Variants in CD226 observed in about 807,000 individuals in gnomAD.
CD226 encodes the protein CD226 molecule.
Under a neutral mutation model 34.9 loss-of-function variants are expected in CD226, and 24 were observed. The observed-to-expected ratio is 0.69, with a 90% CI of 0.50 to 0.97. The LOEUF (loss-of-function observed/expected upper bound fraction) is 0.97. Ranked by LOEUF, CD226 falls within the 50% of genes least tolerant of loss-of-function variation. The probability of loss-of-function intolerance (pLI) is 0.00; values close to 1 mark genes in which losing one functional copy is unlikely to be tolerated. For missense variants in CD226, 397 were observed against 412.7 expected, an observed-to-expected ratio of 0.96 and a Z score of 0.33; for synonymous variants, 148 against 147.4, an observed-to-expected ratio of 1.00 and a Z score of -0.03.
rs930316513 is a variant in CD226 at position 69,898,915 on chromosome 18, G to C, written c.383-2870C>G. 3.3e-5 allele frequency among the ~76,000 whole-genome samples: 5 copies of C among 152,266 alleles called. No homozygotes were observed. In the East Asian group the frequency reaches 5.8e-4, roughly 18 times the overall value. ...TTGGAAAGTGGATTCACGTGAAACAGACCAAAATGTCGTAGTTAATTGGGA... is the reference window on the plus strand; with the variant it reads ...TTGGAAAGTGGATTCACGTGAAACACACCAAAATGTCGTAGTTAATTGGGA... On this transcript the variant is annotated intron_variant, in intron 2 of 5. Coordinates refer to ENST00000582621, the MANE Select transcript of CD226 (RefSeq NM_001303618.2).
intron 4 of CD226, among the ~76,000 whole-genome samples, chr18:69,870,803 G>GA (rs1568158102): frequency 6.6e-6 from 1 of 152,218 alleles, no homozygotes. Flanking sequence ...CAATACATCT[G>GA]AAGCTGCAGG....
At chr18:69,910,481 C>G (rs1045708771) in intron 2 of CD226, among the ~76,000 whole-genome samples, 11 of 152,200 alleles carry the variant, frequency 7.2e-5, no homozygotes, top group African/African-American at 2.7e-4. Flanking sequence ...GGACACTGGG[C>G]TAGTATTCCT....
intron 4 of CD226, among the ~76,000 whole-genome samples, chr18:69,870,554 C>T (rs1983459592): frequency 6.6e-6 from 1 of 152,138 alleles, no homozygotes; most frequent in Admixed American, 6.5e-5. Context: ...GGATTACAGG[C>T]GTGAGCCACC....
chr18:69,908,082 A>C (rs1262784616), intron 2 of CD226, among the ~76,000 whole-genome samples: 7 of 152,116 alleles, frequency 4.6e-5, no homozygotes, highest in Admixed American at 3.3e-4. Flanking sequence ...AGCTTGACCT[A>C]TCTCTCTCCC....
Position 69,910,952 on chromosome 18 carries a change from A to G in CD226, c.383-14907T>C, listed in dbSNP as rs185212265. Among the ~76,000 whole-genome samples, 4 of 152,306 alleles carry G rather than the reference A, an allele frequency of 2.6e-5. No homozygotes were observed. The East Asian group carries it at 7.7e-4, about 29-fold the overall frequency. On this transcript the variant is annotated intron_variant, in intron 2 of 5. Transcript: ENST00000582621. ...GGTACAAGGCAATGGAGTAAACACC[A>G]CAAGACGCTGGGACTACACTGCAGT...
At chr18:69,900,601 G>A (rs896054341) in intron 2 of CD226, among the ~76,000 whole-genome samples, 28 of 150,616 alleles carry the variant, frequency 1.9e-4, no homozygotes, top group African/African-American at 4.2e-4. Flanking sequence ...GCGCGGTGGC[G>A]GGCGCCTGTA....
At chr18:69,960,300 C>T (rs181778614), upstream of CD226, among the ~76,000 whole-genome samples, 178 of 150,912 alleles carry the variant, frequency 1.2e-3, 1 homozygote, top group African/African-American at 4.1e-3. Context: ...CAATAAAAGA[C>T]TGAGTTAAAG....
At chr18:69,901,163 CAAA>C (rs1000529567) in intron 2 of CD226, among the ~76,000 whole-genome samples, 1 of 150,716 alleles carries the variant, frequency 6.6e-6, no homozygotes, top group African/African-American at 2.5e-5. Context: ...ACAACAACAA[CAAA>C]AAAATGAAAG....
At position 69,918,050 on chromosome 18, in the gene CD226, A is replaced by C. The variant is rs1162888745; in HGVS notation, c.383-22005T>G. ...AGCCACACCAAGCAAGGAGAAGGGC[A>C]CAGCCAATTTAGTCTTCAACATGGA... is the stretch of plus-strand genomic sequence containing the variant. On this transcript the variant is annotated intron_variant, in intron 2 of 5. Transcript: ENST00000582621. 2.6e-5 allele frequency among the ~76,000 whole-genome samples: 4 copies of C among 152,352 alleles called. No homozygotes were observed. The East Asian group carries it at 7.7e-4, about 29-fold the overall frequency.
chr18:69,922,852 C>A (rs2055469413), intron 2 of CD226, among the ~76,000 whole-genome samples: 1 of 152,164 alleles, frequency 6.6e-6, no homozygotes, highest in Non-Finnish European at 1.5e-5. Flanking sequence ...CATAACTGGC[C>A]AGGCTTGGTG....
chr18:69,922,726 A>C (rs2055467444), intron 2 of CD226, among the ~76,000 whole-genome samples: 1 of 152,204 alleles, frequency 6.6e-6, no homozygotes, highest in African/African-American at 2.4e-5. Context: ...ACAGTGCTGA[A>C]AACGAACCCC....
intron 5 of CD226, 113 bp from the exon 6 acceptor site, chr18:69,864,552 T>C (rs1187237064): frequency 9.9e-7 from 1 of 1,006,390 alleles, no homozygotes; most frequent in South Asian, 1.6e-5. Flanking sequence ...CAAGTTTCCA[T>C]TATAATTAAT....
chr18:69,938,505 T>C (rs1348763848), intron 2 of CD226, among the ~76,000 whole-genome samples: 1 of 152,210 alleles, frequency 6.6e-6, no homozygotes, highest in Non-Finnish European at 1.5e-5. Flanking sequence ...TCAATCCTGG[T>C]TTGTTGTTCC....
chr18:69,911,999 GTTTC>G lies in CD226; in HGVS notation c.383-15958_383-15955del, dbSNP rs370330996. On this transcript the variant is annotated intron_variant, in intron 2 of 5. Coordinates refer to ENST00000582621, the MANE Select transcript of CD226 (RefSeq NM_001303618.2). ...TCATTTTCTTATATCTATTCAAAATGTTTCTTTCTTTTTTTATTATACTTTAAGT... is the reference window on the plus strand; with the variant it reads ...TCATTTTCTTATATCTATTCAAAATGTTTCTTTTTTTATTATACTTTAAGT... Among the ~76,000 whole-genome samples the G allele has an allele frequency of 3.7e-3, 559 of 152,182 alleles. 2 individuals carry two copies. The highest frequency in any genetic ancestry group is 0.012 in the African/African-American group (509 of 41,524).
intron 2 of CD226, among the ~76,000 whole-genome samples, chr18:69,922,036 T>C (rs1257056280): frequency 6.6e-6 from 1 of 152,192 alleles, no homozygotes. Flanking sequence ...GAAATCCCCA[T>C]GATAAAGGAC....
chr18:69,901,857 C>A (rs1029352806), intron 2 of CD226, among the ~76,000 whole-genome samples: 1 of 147,892 alleles, frequency 6.8e-6, no homozygotes, highest in African/African-American at 2.5e-5. Context: ...CCAGCCTGGG[C>A]GACAGAGCAA....
intron 2 of CD226, among the ~76,000 whole-genome samples, chr18:69,907,553 G>T (rs1299477884): frequency 6.6e-6 from 1 of 152,084 alleles, no homozygotes; most frequent in African/African-American, 2.4e-5. Context: ...CAAGTGGTCC[G>T]CCCACCTCGG....
chr18:69,907,362 G>A (rs140303829), intron 2 of CD226, among the ~76,000 whole-genome samples: 1 of 152,232 alleles, frequency 6.6e-6, no homozygotes, highest in African/African-American at 2.4e-5. Flanking sequence ...TGTTGCCCAG[G>A]CTGGAGTGCA....
intron 2 of CD226, among the ~76,000 whole-genome samples, chr18:69,899,075 A>G (rs75133490): frequency 0.068 from 10,316 of 152,320 alleles, 400 homozygotes; most frequent in Middle Eastern, 0.13. Context: ...ATTGCAGGAT[A>G]TCATGATTAA....
Sources: allele counts gnomAD v4.1 joint callset (sites outside exome capture counted in the v4.1 genomes callset), GRCh38; gene constraint gnomAD v4.1.1; transcripts MANE v1.5; gene names NCBI Gene and HGNC (gene_info 2026-07-23, HGNC 2026-07-21).